The following ZNF385D variants were observed in gnomAD, a reference collection of about 807,000 sequenced individuals.
ZNF385D encodes the protein zinc finger protein 659.
ZNF385D carries 15 observed loss-of-function variants against 35.8 expected under a neutral mutation model. That is an observed-to-expected ratio of 0.42 (90% CI 0.28 to 0.64). The LOEUF is 0.64. Among genes scored for constraint, ZNF385D ranks in the 30% least tolerant of loss-of-function variants. The pLI is 0.23. For synonymous variants in ZNF385D, 212 were observed against 186.8 expected (o/e 1.13, Z -1.10); for missense variants, 474 against 494.6 (o/e 0.96, Z 0.39).
chr3:21,938,820 T>G (rs1242452245), intron 3 of ZNF385D, among the ~76,000 whole-genome samples: 1 of 152,240 alleles, frequency 6.6e-6, no homozygotes, highest in African/African-American at 2.4e-5. Flanking sequence ...TCAAGTTCAC[T>G]CCTTCTACTC....
chr3:21,601,151 T>G (rs2064278086), intron 2 of ZNF385D, among the ~76,000 whole-genome samples: 1 of 152,192 alleles, frequency 6.6e-6, no homozygotes, highest in African/African-American at 2.4e-5. Context: ...TATTTGAAAC[T>G]TCACAATTTT....
At chr3:21,808,767 C>G (rs1390246093) in intron 3 of ZNF385D, among the ~76,000 whole-genome samples, 2 of 152,126 alleles carry the variant, frequency 1.3e-5, no homozygotes, top group Non-Finnish European at 2.9e-5. Context: ...AGGGGAAACC[C>G]TAGAGCAGCC....
chr3:21,599,537 A>G (rs1268086243), intron 2 of ZNF385D, among the ~76,000 whole-genome samples: 2 of 152,190 alleles, frequency 1.3e-5, no homozygotes, highest in Non-Finnish European at 2.9e-5. Flanking sequence ...TTTGCTGACT[A>G]TAATCGTGAT....
At chr3:22,205,876 T>A (rs546083433) in intron 2 of ZNF385D, among the ~76,000 whole-genome samples, 2 of 152,054 alleles carry the variant, frequency 1.3e-5, no homozygotes, top group South Asian at 2.1e-4. Flanking sequence ...AGAAAATAAA[T>A]AGCCAAATGG....
intron 3 of ZNF385D, among the ~76,000 whole-genome samples, chr3:21,973,673 A>C (rs1182303973): frequency 6.6e-6 from 1 of 152,078 alleles, no homozygotes; most frequent in Non-Finnish European, 1.5e-5. Context: ...ATATTTGGAA[A>C]AACCTAAAGA....
intron 3 of ZNF385D, among the ~76,000 whole-genome samples, chr3:22,126,330 T>TC (rs1703429787): frequency 2.3e-5 from 2 of 86,466 alleles, no homozygotes; most frequent in Non-Finnish European, 5.1e-5. Flanking sequence ...TTTTTTTTTT[T>TC]CACTTTTTTG....
intron 4 of ZNF385D, among the ~76,000 whole-genome samples, chr3:21,462,784 C>A (rs1198682748): frequency 6.6e-6 from 1 of 152,080 alleles, no homozygotes; most frequent in African/African-American, 2.4e-5. Context: ...GAGTTCGAGA[C>A]CAGCCTGGCC....
At chr3:22,207,946 T>C (rs867748835) in intron 2 of ZNF385D, among the ~76,000 whole-genome samples, 6 of 151,672 alleles carry the variant, frequency 4.0e-5, no homozygotes, top group African/African-American at 7.3e-5. Flanking sequence ...CTAGGGAGGA[T>C]TGGAGAAAAG....
At chr3:22,314,890 G>A (rs1215053797) in intron 2 of ZNF385D, among the ~76,000 whole-genome samples, 1 of 152,136 alleles carries the variant, frequency 6.6e-6, no homozygotes, top group South Asian at 2.1e-4. Context: ...ATGGTAGAGG[G>A]ATTGTGCAAC....
intron 3 of ZNF385D, among the ~76,000 whole-genome samples, chr3:21,828,426 A>C (rs1196124901): frequency 6.6e-6 from 1 of 152,204 alleles, no homozygotes; most frequent in Admixed American, 6.5e-5. Context: ...TAGAGAAATA[A>C]ACAAAAGAAA....
chr3:22,276,636 G>T (rs1400407291), intron 2 of ZNF385D, among the ~76,000 whole-genome samples: 1 of 152,108 alleles, frequency 6.6e-6, no homozygotes, highest in Admixed American at 6.6e-5. Flanking sequence ...ACAAATCACT[G>T]TAAAATATAT....
chr3:21,713,787 T>C (rs76894269), intron 1 of ZNF385D, among the ~76,000 whole-genome samples: 26,021 of 152,180 alleles, frequency 0.17, 2,442 homozygotes, highest in South Asian at 0.25. Flanking sequence ...AGAGACTGCA[T>C]TTTGTCATTA....
At chr3:21,837,422 G>T (rs1695397971) in intron 3 of ZNF385D, among the ~76,000 whole-genome samples, 1 of 152,090 alleles carries the variant, frequency 6.6e-6, no homozygotes, top group Admixed American at 6.6e-5. Context: ...GTTCAGTTGG[G>T]ATGGCTAGGC....
At chr3:22,207,275 A>G (rs1010182852) in intron 2 of ZNF385D, among the ~76,000 whole-genome samples, 5 of 151,968 alleles carry the variant, frequency 3.3e-5, no homozygotes, top group African/African-American at 7.2e-5. Context: ...AGATTTGCCA[A>G]AACAATTCCA....
chr3:21,902,749 G>A (rs1434584023), intron 3 of ZNF385D, among the ~76,000 whole-genome samples: 3 of 152,114 alleles, frequency 2.0e-5, no homozygotes, highest in Non-Finnish European at 2.9e-5. Context: ...TAGATGACGA[G>A]TTAGTGGGTG....
At chr3:22,080,413 TA>T (rs1218381486) in intron 3 of ZNF385D, among the ~76,000 whole-genome samples, 3 of 152,076 alleles carry the variant, frequency 2.0e-5, no homozygotes, top group Non-Finnish European at 4.4e-5. Context: ...TCATGATCAA[TA>T]AATAAATAAT....
chr3:22,296,995 C>G (rs1186938942), intron 2 of ZNF385D, among the ~76,000 whole-genome samples: 1 of 152,088 alleles, frequency 6.6e-6, no homozygotes, highest in African/African-American at 2.4e-5. Context: ...TTTTCAGGGC[C>G]TGAGGTACAA....
intron 3 of ZNF385D, among the ~76,000 whole-genome samples, chr3:22,025,200 G>A (rs1412874065): frequency 6.6e-6 from 1 of 152,110 alleles, no homozygotes; most frequent in Non-Finnish European, 1.5e-5. Flanking sequence ...CCTCACCCAT[G>A]CTGCCATCAG....
chr3:22,327,187 T>C (rs1002038494), intron 2 of ZNF385D, among the ~76,000 whole-genome samples: 6 of 152,246 alleles, frequency 3.9e-5, no homozygotes, highest in South Asian at 4.2e-4. Flanking sequence ...GCAATAATAA[T>C]TGAGGATGGG....
Sources: allele counts gnomAD v4.1 joint callset (sites outside exome capture counted in the v4.1 genomes callset), GRCh38; gene constraint gnomAD v4.1.1; transcripts MANE v1.5; gene names NCBI Gene and HGNC (gene_info 2026-07-23, HGNC 2026-07-21).